ZNF25: variants seen among roughly 807,000 people sequenced by gnomAD.
The protein encoded by ZNF25 is zinc finger protein 25, also known as zinc finger protein 25 (KOX 19).
Under a neutral mutation model 30.9 loss-of-function variants are expected in ZNF25, and 21 were observed. The ratio of observed to expected loss-of-function variants is 0.68; its 90% CI spans 0.48 to 0.98. The LOEUF is 0.98. ZNF25 is among the 50% of genes least tolerant of loss of function. ZNF25 has a pLI of 0.00. For missense variants in ZNF25, 501 were observed against 529.9 expected, an observed-to-expected ratio of 0.95 and a Z score of 0.54; for synonymous variants, 169 against 181.3, an observed-to-expected ratio of 0.93 and a Z score of 0.55.
chr10:37,975,512 T>C (rs1276505901), intron 1 of ZNF25, among the ~76,000 whole-genome samples: 1 of 152,196 alleles, frequency 6.6e-6, no homozygotes, highest in Non-Finnish European at 1.5e-5. Context: ...ATGGAGGAAC[T>C]GATGAACTGC....
At chr10:37,975,205 T>C (rs142692251) in intron 1 of ZNF25, among the ~76,000 whole-genome samples, 39 of 152,302 alleles carry the variant, frequency 2.6e-4, no homozygotes, top group African/African-American at 7.7e-4. Flanking sequence ...TAGCACAGTA[T>C]GGTTACAAGT....
At position 37,957,483 on chromosome 10, in the gene ZNF25, G is replaced by A. The variant is rs1364772726; in HGVS notation, c.79C>T (p.Pro27Ser). 1 of 1,613,818 alleles carries A rather than the reference G, an allele frequency of 6.2e-7. No homozygotes were observed. The highest frequency in any genetic ancestry group is 2.2e-5 in the East Asian group (1 of 44,846). Residue 27 changes from proline to serine, a missense_variant, in exon 3 of 6, where the codon CCT becomes TCT. Transcript: ENST00000302609. Reference protein sequence around the residue: ...FTKEEWKLLTPAQRTLYKDVM... With the variant: ...FTKEEWKLLTSAQRTLYKDVM... ...TCCTTATACAGAGTCCTCTGAGCAG[G>A]GGTCAGTAACTTCCATTCTTCCTTG...
At chr10:37,963,457 A>G (rs2063004130) in intron 2 of ZNF25, among the ~76,000 whole-genome samples, 1 of 152,102 alleles carries the variant, frequency 6.6e-6, no homozygotes, top group Non-Finnish European at 1.5e-5. Context: ...AGGCTGCTAA[A>G]TTTTGGGGAG....
chr10:37,964,262 G>A (rs986344009), intron 2 of ZNF25, among the ~76,000 whole-genome samples: 2 of 152,184 alleles, frequency 1.3e-5, no homozygotes, highest in African/African-American at 4.8e-5. Flanking sequence ...CTGAGGAGTA[G>A]AGCATTGCTA....
Position 37,971,694 on chromosome 10 carries a change from AG to A in ZNF25, c.15+13del, listed in dbSNP as rs140920386. On this transcript the variant is annotated intron_variant, in intron 2 of 5. Coordinates refer to ENST00000302609, the MANE Select transcript of ZNF25 (RefSeq NM_145011.4). ...ACACAGTGAAACAAAGTTAGGGCTAAGTAAATGACTCACCTGGAACTTGTTC... is the reference window on the plus strand; with the variant it reads ...ACACAGTGAAACAAAGTTAGGGCTAATAAATGACTCACCTGGAACTTGTTC... The A allele has an allele frequency of 4.2e-3, 6,766 of 1,613,226 alleles. 266 individuals carry two copies. The African/African-American group carries it at 0.08, about 19-fold the overall frequency.
At chr10:37,973,896 G>A (rs1056935638) in intron 1 of ZNF25, among the ~76,000 whole-genome samples, 6 of 152,122 alleles carry the variant, frequency 3.9e-5, no homozygotes, top group Non-Finnish European at 8.8e-5. Flanking sequence ...TAAAGCTATA[G>A]TAAACAAAAC....
At chr10:37,970,639 A>G (rs1311444573) in intron 2 of ZNF25, among the ~76,000 whole-genome samples, 1 of 152,248 alleles carries the variant, frequency 6.6e-6, no homozygotes, top group African/African-American at 2.4e-5. Context: ...ACAAAATTCA[A>G]TGTTTTCTAC....
At chr10:37,956,640 G>A (rs1338871655) in intron 4 of ZNF25, among the ~76,000 whole-genome samples, 1 of 152,040 alleles carries the variant, frequency 6.6e-6, no homozygotes, top group Non-Finnish European at 1.5e-5. Flanking sequence ...GCTGAGGCCG[G>A]GCACGGTGAC....
At chr10:37,963,126 T>G (rs1029090162) in intron 2 of ZNF25, among the ~76,000 whole-genome samples, 3 of 151,722 alleles carry the variant, frequency 2.0e-5, no homozygotes, top group African/African-American at 7.3e-5. Flanking sequence ...ATTTATTTAT[T>G]TATTTTTTGA....
Position 37,953,019 on chromosome 10 carries a change from T to C in ZNF25, c.479A>G (p.Asp160Gly), listed in dbSNP as rs768673405. 2.5e-6 allele frequency: 4 copies of C among 1,613,896 alleles called. No individual in the cohort carries two copies. Among genetic ancestry groups the C allele is most frequent in the Non-Finnish European group, 3.4e-6 (4 of 1,179,960 alleles). Reference protein sequence around the residue: ...KCGKSFSKNEDLIRHQKIHTR... With the variant: ...KCGKSFSKNEGLIRHQKIHTR... The stretch of plus-strand genomic sequence containing the variant: ...GTGAATTTTCTGATGTCTTATGAGG[T>C]CTTCATTTTTAGAGAAAGATTTCCC... Residue 160 changes from aspartate (D) to glycine (G), a missense_variant, in exon 6 of 6, where the codon GAC (aspartate) becomes GGC (glycine). Transcript: ENST00000302609.
chr10:37,962,274 A>G (rs1027169438), intron 2 of ZNF25, among the ~76,000 whole-genome samples: 2 of 152,102 alleles, frequency 1.3e-5, no homozygotes, highest in Admixed American at 6.6e-5. Context: ...GATATATAAG[A>G]ATAAGAACTT....
At chr10:37,970,527 T>G (rs1029675680) in intron 2 of ZNF25, among the ~76,000 whole-genome samples, 8 of 152,238 alleles carry the variant, frequency 5.3e-5, no homozygotes, top group Non-Finnish European at 7.3e-5. Flanking sequence ...TCCTTATTAT[T>G]GAATGGCTAA....
chr10:37,952,907 T>C lies in ZNF25; in HGVS notation c.591A>G (p.Ala197=). 6.2e-7 allele frequency: 1 copy of C among 1,614,200 alleles called. No homozygotes were observed. The highest frequency in any genetic ancestry group is 1.6e-4 in the Middle Eastern group (1 of 6,062). ...GATTACATTCATAGGGTTTCTCTCC[T>C]GCATGGGTTCTCAGATGTCTACTGA... The part of the protein sequence containing the change: ...SSLSRHLRTH[A]GEKPYECNQC... The change falls in exon 6 of 6, where the codon GCA becomes GCG. Residue 197 remains alanine, a synonymous_variant. Transcript: ENST00000302609.
At chr10:37,975,461 T>C (rs11011415) in intron 1 of ZNF25, among the ~76,000 whole-genome samples, 4,151 of 151,740 alleles carry the variant, frequency 0.027, 139 homozygotes, top group African/African-American at 0.082. Flanking sequence ...CTAAGCTCAG[T>C]TATCAGCCAA....
chr10:37,973,665 T>C (rs1407400234), intron 1 of ZNF25, among the ~76,000 whole-genome samples: 1 of 151,312 alleles, frequency 6.6e-6, no homozygotes, highest in Non-Finnish European at 1.5e-5. Flanking sequence ...CCCATGCTCA[T>C]GGACTGGCAG....
intron 2 of ZNF25, among the ~76,000 whole-genome samples, chr10:37,963,511 T>C (rs2135386747): frequency 6.6e-6 from 1 of 152,310 alleles, no homozygotes; most frequent in South Asian, 2.1e-4. Context: ...TGATACAGTT[T>C]GGATGTGTGT....
intron 2 of ZNF25, among the ~76,000 whole-genome samples, chr10:37,964,369 G>A (rs1374426205): frequency 6.6e-6 from 1 of 152,220 alleles, no homozygotes; most frequent in Non-Finnish European, 1.5e-5. Context: ...TAAGCTGAGG[G>A]AATGTTTGAA....
chr10:37,972,320 A>G (rs1307315076), intron 1 of ZNF25, among the ~76,000 whole-genome samples: 1 of 152,226 alleles, frequency 6.6e-6, no homozygotes, highest in Non-Finnish European at 1.5e-5. Flanking sequence ...TAAATATGAT[A>G]TAATGAACTT....
At chr10:37,971,359 T>C (rs533369905) in intron 2 of ZNF25, among the ~76,000 whole-genome samples, 2 of 151,878 alleles carry the variant, frequency 1.3e-5, no homozygotes, top group South Asian at 4.2e-4. Context: ...TCAATGTCAT[T>C]GTCTACTTTA....
Sources: gnomAD v4.1 joint callset for allele counts (sites outside exome capture counted in the v4.1 genomes callset) on GRCh38, gnomAD v4.1.1 for gene constraint, MANE v1.5 for transcripts, NCBI Gene and HGNC (gene_info 2026-07-23, HGNC 2026-07-21) for gene names.